Variants in FAM184A observed in about 807,000 individuals in gnomAD.
The protein encoded by FAM184A is family with sequence similarity 184 member A, also known as protein FAM184A.
A neutral mutation model predicts 143.8 loss-of-function variants in FAM184A; 99 were observed. The observed-to-expected ratio is 0.69, with a 90% confidence interval of 0.58 to 0.81. FAM184A has a LOEUF of 0.81. Ranked by LOEUF, FAM184A falls within the 40% of genes least tolerant of loss-of-function variation. The probability of loss-of-function intolerance (pLI) is 0.00; values close to 1 mark genes in which losing one functional copy is unlikely to be tolerated. For missense variants in FAM184A, 1,217 were observed against 1,310.5 expected, an observed-to-expected ratio of 0.93 and a Z score of 1.10; for synonymous variants, 427 against 446.4, an observed-to-expected ratio of 0.96 and a Z score of 0.55.
rs1010044476 is a variant in FAM184A at position 118,973,431 on chromosome 6, A to G, written c.2915+997T>C. ...ACAACACAGGAAACCAAGAAGGTCC[A>G]CTAGGCTGATAAAAAGACAGAATAA... On this transcript the variant is annotated intron_variant, in intron 14 of 17. Transcript: ENST00000338891. Among the ~76,000 whole-genome samples, 7 of 152,368 alleles carry G rather than the reference A, an allele frequency of 4.6e-5. No homozygotes were observed. The East Asian group carries it at 1.3e-3, about 29-fold the overall frequency.
At chr6:119,021,019 T>G (rs749691756) in intron 3 of FAM184A, among the ~76,000 whole-genome samples, 1 of 151,992 alleles carries the variant, frequency 6.6e-6, no homozygotes. Context: ...ATAGAAAGGA[T>G]AGTTTAAGGC....
At position 119,120,844 on chromosome 6, in the gene FAM184A, CTTTCT is replaced by C. The variant is rs1166159740; in HGVS notation, c.-202+28229_-202+28233del. Among the ~76,000 whole-genome samples, 320 of 120,680 alleles carry C rather than the reference CTTTCT, an allele frequency of 2.7e-3. 1 individual carries two copies. Among genetic ancestry groups the C allele is most frequent in the African/African-American group, 0.011 (295 of 27,578 alleles). The allele number at this position is 120,680 out of a possible 152,430, so 79.2% of individuals were successfully genotyped here. On this transcript the variant is annotated intron_variant, in intron 1 of 16. Coordinates refer to the FAM184A transcript ENST00000352896. ...TCTTTCTTCCTTTCTTTCTTTCTTT[CTTTCT>C]TTTTTTTTTTTTTTAGGAGACAGGG...
At chr6:118,960,985 C>A in intron 17 of FAM184A, 1 of 338,772 alleles carries the variant, frequency 3.0e-6, no homozygotes. Flanking sequence ...TTAACTATGT[C>A]ACTAATCACT....
At chr6:119,017,359 G>A (rs543632130) in intron 4 of FAM184A, among the ~76,000 whole-genome samples, 8 of 152,204 alleles carry the variant, frequency 5.3e-5, no homozygotes, top group East Asian at 1.9e-4. Context: ...TTAGCTGGGC[G>A]CGGTGGCGGG....
chr6:119,078,204 G>A lies in FAM184A; in HGVS notation c.96C>T (p.His32=), dbSNP rs756014508. 1.9e-6 allele frequency: 3 copies of A among 1,574,762 alleles called. No individual in the cohort carries two copies. Among genetic ancestry groups the A allele is most frequent in the Non-Finnish European group, 2.6e-6 (3 of 1,163,020 alleles). Residue 32 remains histidine, a synonymous_variant, in exon 1 of 18, where the codon CAC becomes CAT. Transcript: ENST00000338891. The surrounding 1 kb of genome is among the most constrained non-coding windows in gnomAD (Gnocchi z 5.5). ...GCATCTCCTGGCTGTAGTCCATGCT[G>A]TGCCCAGCCAGCTGTGCGGTGGCCG... The part of the protein sequence containing the change: ...PSPATAQLAG[H]SMDYSQEMHL...
intron 3 of FAM184A, among the ~76,000 whole-genome samples, chr6:119,020,764 CAGG>C (rs1479308903): frequency 6.6e-6 from 1 of 152,044 alleles, no homozygotes; most frequent in East Asian, 1.9e-4. Context: ...TGTTTGAGCC[CAGG>C]AGTTCAAGGT....
chr6:119,018,171 G>A (rs1045176738), intron 4 of FAM184A, among the ~76,000 whole-genome samples: 3 of 152,132 alleles, frequency 2.0e-5, no homozygotes, highest in East Asian at 1.9e-4. Flanking sequence ...TAACTTGGAC[G>A]CGGTGAGAAA....
intron 1 of FAM184A, among the ~76,000 whole-genome samples, chr6:119,057,343 A>G (rs1406221981): frequency 6.6e-6 from 1 of 152,206 alleles, no homozygotes; most frequent in Admixed American, 6.5e-5. Flanking sequence ...CTTACAATAT[A>G]AAAGTCTTTC....
chr6:119,098,577 G>A (rs978412699), intron 1 of FAM184A, among the ~76,000 whole-genome samples: 2 of 152,178 alleles, frequency 1.3e-5, no homozygotes, highest in African/African-American at 4.8e-5. Context: ...CGTGTTATGG[G>A]TCATAGGTAG....
At chr6:118,972,412 GGT>G (rs1783723004) in intron 14 of FAM184A, among the ~76,000 whole-genome samples, 1 of 152,040 alleles carries the variant, frequency 6.6e-6, no homozygotes, top group Non-Finnish European at 1.5e-5. Flanking sequence ...ATATAAATTT[GGT>G]GTGTGTTTGT....
At chr6:119,044,484 G>A (rs1443965919) in intron 1 of FAM184A, among the ~76,000 whole-genome samples, 2 of 152,024 alleles carry the variant, frequency 1.3e-5, no homozygotes, top group Non-Finnish European at 2.9e-5. Flanking sequence ...TCGGCAGGCT[G>A]AGGTGGCCAG....
chr6:119,105,877 T>C (rs1420419189), intron 1 of FAM184A, among the ~76,000 whole-genome samples: 1 of 152,194 alleles, frequency 6.6e-6, no homozygotes, highest in Non-Finnish European at 1.5e-5. Flanking sequence ...ATTGCCCAGA[T>C]GCATAGTTAG....
At chr6:119,097,862 C>G (rs970816504) in intron 1 of FAM184A, among the ~76,000 whole-genome samples, 3 of 152,180 alleles carry the variant, frequency 2.0e-5, no homozygotes, top group Non-Finnish European at 4.4e-5. Flanking sequence ...TCTTTCCTCA[C>G]CTTTCTGTCT....
chr6:119,144,485 G>T (rs1447303058), intron 1 of FAM184A, among the ~76,000 whole-genome samples: 91 of 152,212 alleles, frequency 6.0e-4, no homozygotes, highest in Non-Finnish European at 1.5e-5. Context: ...CTTCACGCCG[G>T]CACACACTCT....
At chr6:119,027,256 T>C (rs1001823258) in intron 1 of FAM184A, among the ~76,000 whole-genome samples, 3 of 152,142 alleles carry the variant, frequency 2.0e-5, no homozygotes, top group Admixed American at 6.6e-5. Flanking sequence ...CTACAATGTA[T>C]AAACCAAGTT....
At chr6:119,071,367 G>A (rs1787678406) in intron 1 of FAM184A, among the ~76,000 whole-genome samples, 1 of 152,152 alleles carries the variant, frequency 6.6e-6, no homozygotes, top group Non-Finnish European at 1.5e-5. Context: ...TTCACACCAA[G>A]TATGGCAGTC....
At chr6:119,009,814 G>A (rs943515855) in intron 6 of FAM184A, among the ~76,000 whole-genome samples, 8 of 152,238 alleles carry the variant, frequency 5.3e-5, no homozygotes, top group African/African-American at 1.7e-4. Flanking sequence ...CACTGAAACC[G>A]CAGTGTGTAA....
intron 1 of FAM184A, among the ~76,000 whole-genome samples, chr6:119,113,009 C>G (rs1788971391): frequency 6.6e-6 from 1 of 152,006 alleles, no homozygotes; most frequent in East Asian, 1.9e-4. Context: ...TACTTCCTGT[C>G]TCTCTGGCAG....
chr6:119,033,660 G>A (rs1156593393), intron 1 of FAM184A, among the ~76,000 whole-genome samples: 6 of 130,596 alleles, frequency 4.6e-5, no homozygotes, highest in South Asian at 2.3e-4. Flanking sequence ...GTGAGACTCC[G>A]TCTCAAAAAA....
Sources: gnomAD v4.1 joint callset for allele counts (sites outside exome capture counted in the v4.1 genomes callset) on GRCh38, gnomAD v4.1.1 for gene constraint, Gnocchi (gnomAD v3.1) non-coding constraint, MANE v1.5 for transcripts, NCBI Gene and HGNC (gene_info 2026-07-23, HGNC 2026-07-21) for gene names.